PPWD1: variants seen among roughly 807,000 people sequenced by gnomAD.
PPWD1 encodes the protein peptidylprolyl isomerase domain and WD repeat-containing protein 1.
Under a neutral mutation model 68.8 loss-of-function variants are expected in PPWD1, and 43 were observed. The observed-to-expected ratio is 0.62, with a 90% CI of 0.49 to 0.81. PPWD1 has a LOEUF of 0.81. PPWD1 is among the 30% of genes least tolerant of loss of function. PPWD1 has a pLI of 0.00. For synonymous variants in PPWD1, 232 were observed against 258.7 expected (o/e 0.90, Z 0.99); for missense variants, 672 against 804.8 (o/e 0.83, Z 2.00).
chr5:65,583,005 T>C (rs775028227), intron 7 of PPWD1, 33 bp from the exon 8 acceptor site: 13 of 1,478,626 alleles, frequency 8.8e-6, no homozygotes, highest in African/African-American at 2.8e-5. Context: ...AAAACTTTAA[T>C]TCGTTGACTC....
At chr5:65,580,606 T>A (rs1397677661) in intron 7 of PPWD1, among the ~76,000 whole-genome samples, 1 of 152,156 alleles carries the variant, frequency 6.6e-6, no homozygotes, top group Non-Finnish European at 1.5e-5. Context: ...CTCTGCCTCC[T>A]GGGTTCCAGC....
chr5:65,563,660 C>G lies in PPWD1; in HGVS notation c.196+154C>G, dbSNP rs879223390. On this transcript the variant is annotated intron_variant, in intron 1 of 10. Coordinates refer to ENST00000261308, the MANE Select transcript of PPWD1 (RefSeq NM_015342.4). ...TTCTGGCTACTCCATACTTGCATGT[C>G]TTAACGAAATAGTGATTTAAGCGTA... is the stretch of plus-strand genomic sequence containing the variant. The G allele has an allele frequency of 1.1e-5, 15 of 1,341,176 alleles. No homozygotes were observed. The South Asian group carries it at 1.7e-4, about 15-fold the overall frequency. The allele number at this position is 1,341,176 out of a possible 1,614,324, so 83.1% of individuals were successfully genotyped here. A position where few individuals can be genotyped will look rare whatever the true frequency, so the allele number is the denominator to read the frequency against.
chr5:65,584,114 T>A (rs1048194529), intron 8 of PPWD1, among the ~76,000 whole-genome samples: 21 of 152,234 alleles, frequency 1.4e-4, no homozygotes, highest in African/African-American at 5.1e-4. Context: ...TACAACACTT[T>A]TACTTAAAAG....
chr5:65,578,773 CATATATATGTGTATATATATAT>C (rs1561729385), intron 6 of PPWD1, among the ~76,000 whole-genome samples: 46 of 63,664 alleles, frequency 7.2e-4, no homozygotes, highest in African/African-American at 3.0e-3. Context: ...TATATATATA[CATATATATGTGTATATATATAT>C]ACATATATAT....
At position 65,586,108 on chromosome 5, in the gene PPWD1, C is replaced by A. The variant is rs1187252696; in HGVS notation, c.1724C>A (p.Pro575Gln). Residue 575 changes from proline (P) to glutamine (Q), a missense_variant, in exon 10 of 11, where the codon CCA (proline) becomes CAA (glutamine). Around this residue, in one of 2 missense-constraint regions of PPWD1, gnomAD observed 484 missense variants for 646.2 expected, o/e 0.75. Coordinates refer to ENST00000261308, the MANE Select transcript of PPWD1 (RefSeq NM_015342.4). The stretch of plus-strand genomic sequence containing the variant: ...CATTCAACATTACGACATGACAGGC[C>A]ATACACACTCAGCATGGCTAACGCG... ...EFHSTLRHDR[P>Q]YTLSMANAGS... is the part of the protein sequence containing the mutation. 3.1e-6 allele frequency: 5 copies of A among 1,613,266 alleles called. No homozygotes were observed. In the African/African-American group the frequency reaches 4.0e-5, roughly 13 times the overall value.
intron 6 of PPWD1, among the ~76,000 whole-genome samples, chr5:65,578,067 C>G (rs1021507077): frequency 6.6e-6 from 1 of 152,236 alleles, no homozygotes; most frequent in Non-Finnish European, 1.5e-5. Context: ...AGTTTTGCCT[C>G]TTCCAGAATG....
intron 5 of PPWD1, among the ~76,000 whole-genome samples, chr5:65,575,637 G>A (rs563638504): frequency 7.2e-6 from 1 of 139,582 alleles, no homozygotes; most frequent in African/African-American, 2.7e-5. Flanking sequence ...TGATTGTGTA[G>A]AAAAGAATGT....
rs1403408270 is a variant in PPWD1 at position 65,578,751 on chromosome 5, CATATATGTGTATATATATATACATAT to C, written c.1161-668_1161-643del. On this transcript the variant is annotated intron_variant, in intron 6 of 10. Coordinates refer to ENST00000261308, the MANE Select transcript of PPWD1 (RefSeq NM_015342.4). ...ATATATATACATATATATATACACA[CATATATGTGTATATATATATACATAT>C]ATATGTGTATATATATATACATATA... Among the ~76,000 whole-genome samples, 559 of 138,458 alleles carry C rather than the reference CATATATGTGTATATATATATACATAT, an allele frequency of 4.0e-3. 2 individuals carry two copies. The highest frequency in any genetic ancestry group is 0.014 in the African/African-American group (519 of 36,614). 90.8% of individuals were successfully genotyped at this position (138,458 alleles called of 152,430 possible).
chr5:65,578,239 C>T lies in PPWD1; in HGVS notation c.1160+1170C>T, dbSNP rs149362970. 7.9e-3 allele frequency among the ~76,000 whole-genome samples: 1,205 copies of T among 152,304 alleles called. 7 individuals carry two copies. The highest frequency in any genetic ancestry group is 0.018 in the South Asian group (88 of 4,834). ...GGATGTACCACAGTTGATCCATTCA[C>T]GTACTGAAAGACATCTTGGTTGCTT... On this transcript the variant is annotated intron_variant, in intron 6 of 10. Coordinates refer to ENST00000261308, the MANE Select transcript of PPWD1 (RefSeq NM_015342.4).
At chr5:65,570,419 C>A (rs1752961321) in intron 4 of PPWD1, 11 of 702,612 alleles carry the variant, frequency 1.6e-5, no homozygotes, top group Non-Finnish European at 1.9e-5. Context: ...TATATTGATA[C>A]TAAAACTATG....
chr5:65,572,778 C>A (rs1369852743), intron 5 of PPWD1, among the ~76,000 whole-genome samples: 1 of 152,154 alleles, frequency 6.6e-6, no homozygotes, highest in Admixed American at 6.6e-5. Flanking sequence ...GTGTAATTCA[C>A]TGGAGTCCTG....
At chr5:65,564,422 G>A (rs1273355830) in intron 1 of PPWD1, among the ~76,000 whole-genome samples, 1 of 151,392 alleles carries the variant, frequency 6.6e-6, no homozygotes, top group Admixed American at 6.6e-5. Context: ...TCCGTCTCCG[G>A]GGTTCAAGCG....
chr5:65,564,570 C>T (rs1338796058), intron 1 of PPWD1, among the ~76,000 whole-genome samples: 3 of 152,080 alleles, frequency 2.0e-5, no homozygotes, highest in East Asian at 1.9e-4. Context: ...CTGCCTGCCT[C>T]GGCCTCTCAA....
intron 7 of PPWD1, 39 bp downstream of exon 7, chr5:65,579,652 T>C: frequency 1.5e-6 from 2 of 1,358,594 alleles, no homozygotes; most frequent in Non-Finnish European, 1.9e-6. Context: ...GTAATGTTCC[T>C]TCCAGTTTGG....
Position 65,576,951 on chromosome 5 carries a change from C to T in PPWD1, c.1042C>T (p.Arg348Cys), listed in dbSNP as rs1753318704. 2 of 1,613,862 alleles carry T rather than the reference C, an allele frequency of 1.2e-6. No individual in the cohort carries two copies. Among genetic ancestry groups the T allele is most frequent in the Admixed American group, 1.7e-5 (1 of 60,000 alleles). ...ATTTGGCCGACGAATGGCTGTAGAA[C>T]GTGAGTTGGAGAAGGTTGATGCTGT... is the stretch of plus-strand genomic sequence containing the variant. ...MEFGRRMAVE[R>C]ELEKVDAVRL... The change falls in exon 6 of 11, where the codon CGT becomes TGT. Residue 348 changes from arginine to cysteine, a missense_variant. Physicochemically the swap from Arg to Cys is radical, Grantham distance 180 (BLOSUM62 -3). Around this residue, in one of 2 missense-constraint regions of PPWD1, gnomAD observed 484 missense variants for 646.2 expected, o/e 0.75. Transcript: ENST00000261308.
At chr5:65,578,845 T>C (rs1473302583) in intron 6 of PPWD1, among the ~76,000 whole-genome samples, 1 of 149,664 alleles carries the variant, frequency 6.7e-6, no homozygotes, top group Non-Finnish European at 1.5e-5. Flanking sequence ...GAGTTTTTTA[T>C]ATATTTTGGA....
intron 5 of PPWD1, among the ~76,000 whole-genome samples, chr5:65,573,379 G>A (rs1249886069): frequency 4.8e-5 from 7 of 147,194 alleles, no homozygotes; most frequent in African/African-American, 5.0e-5. Context: ...TGCAACCTCC[G>A]CCCCCTGGGT....
At chr5:65,583,667 A>G (rs1753696500) in intron 8 of PPWD1, among the ~76,000 whole-genome samples, 1 of 152,230 alleles carries the variant, frequency 6.6e-6, no homozygotes, top group Non-Finnish European at 1.5e-5. Flanking sequence ...GTGAACTACA[A>G]GCTGGGTGCA....
At chr5:65,580,362 T>C (rs1753540007) in intron 7 of PPWD1, among the ~76,000 whole-genome samples, 1 of 152,192 alleles carries the variant, frequency 6.6e-6, no homozygotes, top group Non-Finnish European at 1.5e-5. Context: ...TTATCTTTCT[T>C]CATTTTTCAT....
Sources: allele counts gnomAD v4.1 joint callset (sites outside exome capture counted in the v4.1 genomes callset), GRCh38; gene constraint gnomAD v4.1.1; regional missense constraint gnomAD v4.1.1; transcripts MANE v1.5; gene names NCBI Gene and HGNC (gene_info 2026-07-23, HGNC 2026-07-21).